Variants in RTKN2 observed in about 807,000 individuals in gnomAD.
RTKN2 encodes rhotekin-2.
Under a neutral mutation model 71.5 loss-of-function variants are expected in RTKN2, and 69 were observed. That is an observed-to-expected ratio of 0.96 (90% CI 0.79 to 1.18). RTKN2 has a LOEUF of 1.18. RTKN2 is among the 50% of genes most tolerant of loss of function. The pLI, the probability that RTKN2 is intolerant of heterozygous loss-of-function variation, is 0.00. For synonymous variants in RTKN2, 236 were observed against 236.5 expected, an observed-to-expected ratio of 1.00 and a Z score of 0.02; for missense variants, 724 against 719.7, an observed-to-expected ratio of 1.01 and a Z score of -0.07.
In RTKN2 at chr10:62,262,695, C is replaced by T. The variant is rs1842795610; in HGVS notation, c.187G>A (p.Ala63Thr). The T allele has an allele frequency of 3.7e-6, 6 of 1,613,532 alleles. No homozygotes were observed. The highest frequency in any genetic ancestry group is 5.1e-6 in the Non-Finnish European group (6 of 1,179,648). ...HAVKNLMVCNARLMAYTSELQ... is the reference protein window; with the variant it reads ...HAVKNLMVCNTRLMAYTSELQ... ...TCCGATGTATAGGCCATTAGTCGAGCATTGCACACCATGAGATTCTTAACT... is the reference window on the plus strand; with the variant it reads ...TCCGATGTATAGGCCATTAGTCGAGTATTGCACACCATGAGATTCTTAACT... The change falls in exon 2 of 12, where the codon GCT becomes ACT. Residue 63 changes from alanine (A) to threonine (T), a missense_variant. Ala to Thr is a moderately conservative substitution (Grantham distance 58). Transcript: ENST00000373789.
Position 62,262,821 on chromosome 10 carries a change from C to T in RTKN2, c.61G>A (p.Asp21Asn), listed in dbSNP as rs776212301. The T allele has an allele frequency of 6.3e-7, 1 of 1,590,300 alleles. No individual in the cohort carries two copies. Among genetic ancestry groups the T allele is most frequent in the Non-Finnish European group, 8.6e-7 (1 of 1,168,582 alleles). ...TCTATTTTTTCTTGAATGTTGCAGT[C>T]CTAAAAAAAAAATGCATCTTGAAAA... ...LRLAGLPTQQDCNIQEKIDLE... is the reference protein window; with the variant it reads ...LRLAGLPTQQNCNIQEKIDLE... The change falls in exon 2 of 12, where the codon GAC becomes AAC. Residue 21 changes from aspartate (D) to asparagine (N), a missense_variant and splice_region_variant. Transcript: ENST00000373789.
Position 62,195,593 on chromosome 10 carries a change from C to T in RTKN2, c.*2315G>A, listed in dbSNP as rs1436587947. 1 of 623,654 alleles carries T rather than the reference C, an allele frequency of 1.6e-6. No homozygotes were observed. Among genetic ancestry groups the T allele is most frequent in the East Asian group, 1.6e-4 (1 of 6,214 alleles). The allele number at this position is 623,654 out of a possible 1,614,324, so 38.6% of individuals were successfully genotyped here. ...AAGGAGGGAAGGAGGGAAGGAGAGA[C>T]GGACAGAGGGAATGAAGGAAGGAAG... is the stretch of plus-strand genomic sequence containing the variant. On this transcript the variant is annotated 3_prime_UTR_variant, in exon 12 of 12. Coordinates refer to ENST00000373789, the MANE Select transcript of RTKN2 (RefSeq NM_145307.4).
chr10:62,219,802 T>TG (rs2132902498), intron 7 of RTKN2, among the ~76,000 whole-genome samples: 1 of 152,148 alleles, frequency 6.6e-6, no homozygotes, highest in East Asian at 1.9e-4. Context: ...AAAAAAATCT[T>TG]GACATTCAAC....
chr10:62,251,430 A>C (rs1842579931), intron 2 of RTKN2, among the ~76,000 whole-genome samples: 1 of 152,192 alleles, frequency 6.6e-6, no homozygotes, highest in Non-Finnish European at 1.5e-5. Flanking sequence ...AGGAAGGATG[A>C]TGGAACATAC....
At position 62,196,694 on chromosome 10, in the gene RTKN2, TG is replaced by T. The variant is rs1841339052; in HGVS notation, c.*1213del. On this transcript the variant is annotated 3_prime_UTR_variant, in exon 12 of 12. Coordinates refer to ENST00000373789, the MANE Select transcript of RTKN2 (RefSeq NM_145307.4). ...TCTTGCAATGACATTTAGGGTTCAGTGTGATTTGAGATTTTTAGTGCTGTTG... is the reference window on the plus strand; with the variant it reads ...TCTTGCAATGACATTTAGGGTTCAGTTGATTTGAGATTTTTAGTGCTGTTG... The T allele has an allele frequency of 1.0e-6, 1 of 984,978 alleles. No individual in the cohort carries two copies. The highest frequency in any genetic ancestry group is 1.2e-6 in the Non-Finnish European group (1 of 829,650). The allele number at this position is 984,978 out of a possible 1,614,324, so 61.0% of individuals were successfully genotyped here.
chr10:62,212,104 T>TA (rs543276430), intron 9 of RTKN2, among the ~76,000 whole-genome samples: 6,495 of 37,396 alleles, frequency 0.17, 178 homozygotes, highest in African/African-American at 0.19. Context: ...CATCTCTACT[T>TA]AAAAAAAAAA....
At position 62,209,331 on chromosome 10, in the gene RTKN2, A is replaced by G. The variant is rs12259920; in HGVS notation, c.1021-4309T>C. Among the ~76,000 whole-genome samples the G allele has an allele frequency of 7.2e-3, 1,103 of 152,190 alleles. 13 individuals carry two copies. Among genetic ancestry groups the G allele is most frequent in the African/African-American group, 0.025 (1,039 of 41,530 alleles). ...GTATGCAACTAGAAAAATCCAGACTATGGAAAAACCCTGCAGGATAAAAGA... is the reference window on the plus strand; with the variant it reads ...GTATGCAACTAGAAAAATCCAGACTGTGGAAAAACCCTGCAGGATAAAAGA... On this transcript the variant is annotated intron_variant, in intron 9 of 11. Coordinates refer to ENST00000373789, the MANE Select transcript of RTKN2 (RefSeq NM_145307.4).
At chr10:62,229,449 A>T (rs1842103223) in intron 6 of RTKN2, among the ~76,000 whole-genome samples, 1 of 152,248 alleles carries the variant, frequency 6.6e-6, no homozygotes, top group African/African-American at 2.4e-5. Flanking sequence ...TATTATTCTT[A>T]ACACACGTAT....
rs969709507 is a variant in RTKN2, at chr10:62,197,799, T to G, written c.*109A>C. On this transcript the variant is annotated 3_prime_UTR_variant, in exon 12 of 12. Coordinates refer to ENST00000373789, the MANE Select transcript of RTKN2 (RefSeq NM_145307.4). ...CTATACCTAATAGCTTATTAATTAT[T>G]GGTATAAATCACTATATTTACCTAT... 2 of 1,428,184 alleles carry G rather than the reference T, an allele frequency of 1.4e-6. No individual in the cohort carries two copies. The highest frequency in any genetic ancestry group is 1.8e-6 in the Non-Finnish European group (2 of 1,087,714). 88.5% of individuals were successfully genotyped at this position (1,428,184 alleles called of 1,614,324 possible).
At chr10:62,232,248 TA>T (rs1842164081) in intron 6 of RTKN2, among the ~76,000 whole-genome samples, 1 of 151,734 alleles carries the variant, frequency 6.6e-6, no homozygotes, top group African/African-American at 2.4e-5. Context: ...TAATGCACAA[TA>T]ATTTATTCTC....
chr10:62,204,649 C>G (rs1391421698), intron 10 of RTKN2, among the ~76,000 whole-genome samples: 1 of 152,068 alleles, frequency 6.6e-6, no homozygotes, highest in Non-Finnish European at 1.5e-5. Flanking sequence ...GGTAGAGATG[C>G]TAGAATCCAA....
intron 2 of RTKN2, among the ~76,000 whole-genome samples, chr10:62,251,502 C>G (rs940710457): frequency 6.6e-6 from 1 of 152,134 alleles, no homozygotes; most frequent in African/African-American, 2.4e-5. Context: ...CTTCTAATCA[C>G]TTGGCTCAGA....
chr10:62,198,003 T>C lies in RTKN2; in HGVS notation c.1735A>G (p.Lys579Glu). The C allele has an allele frequency of 6.2e-7, 1 of 1,613,988 alleles. No individual in the cohort carries two copies. The highest frequency in any genetic ancestry group is 8.5e-7 in the Non-Finnish European group (1 of 1,179,894). ...RLSDGEHTDTKTNFEAKPVPA... is the reference protein window; with the variant it reads ...RLSDGEHTDTETNFEAKPVPA... ...ACTGGCTTGGCTTCAAAATTGGTTT[T>C]AGTGTCTGTGTGCTCACCATCACTT... is the stretch of plus-strand genomic sequence containing the variant. Residue 579 changes from lysine to glutamate, a missense_variant, in exon 12 of 12, where the codon AAA becomes GAA. Physicochemically the swap from Lys to Glu is moderately conservative, Grantham distance 56 (BLOSUM62 1). Coordinates refer to ENST00000373789, the MANE Select transcript of RTKN2 (RefSeq NM_145307.4).
chr10:62,237,177 G>A (rs1842276580), intron 5 of RTKN2, among the ~76,000 whole-genome samples: 1 of 151,858 alleles, frequency 6.6e-6, no homozygotes, highest in African/African-American at 2.4e-5. Flanking sequence ...TTTGATTATA[G>A]TAACATTTTA....
intron 6 of RTKN2, among the ~76,000 whole-genome samples, chr10:62,231,086 G>A (rs917088784): frequency 6.6e-6 from 1 of 152,088 alleles, no homozygotes; most frequent in African/African-American, 2.4e-5. Flanking sequence ...TTCTGAACAA[G>A]TGTTTGGATG....
chr10:62,257,626 T>C (rs1448688954), intron 2 of RTKN2, among the ~76,000 whole-genome samples: 1 of 152,140 alleles, frequency 6.6e-6, no homozygotes, highest in Non-Finnish European at 1.5e-5. Flanking sequence ...AATTGAAAGA[T>C]AAGAGTGCAA....
intron 9 of RTKN2, among the ~76,000 whole-genome samples, chr10:62,209,844 T>C (rs1022765515): frequency 6.6e-6 from 1 of 152,224 alleles, no homozygotes; most frequent in Non-Finnish European, 1.5e-5. Flanking sequence ...GTGTACCACA[T>C]TTTCTTGATC....
At chr10:62,229,234 G>A (rs1198368251) in intron 6 of RTKN2, among the ~76,000 whole-genome samples, 2 of 152,204 alleles carry the variant, frequency 1.3e-5, no homozygotes. Flanking sequence ...TGGAGTCAGA[G>A]TACTGAAGGG....
rs1476311918 is a variant in RTKN2 at position 62,268,495 on chromosome 10, A to C, written c.60+56T>G. On this transcript the variant is annotated intron_variant, in intron 1 of 11. Transcript: ENST00000373789. ...GACTCCTCCACAAAGCAAATGCGCGAGGAACAGAACCCCGGCTCCCTCACC... is the reference window on the plus strand; with the variant it reads ...GACTCCTCCACAAAGCAAATGCGCGCGGAACAGAACCCCGGCTCCCTCACC... The C allele has an allele frequency of 4.7e-6, 7 of 1,492,116 alleles. No individual in the cohort carries two copies. The African/African-American group carries it at 9.7e-5, about 21-fold the overall frequency. The allele number at this position is 1,492,116 out of a possible 1,614,324, so 92.4% of individuals were successfully genotyped here.
Sources: allele counts gnomAD v4.1 joint callset (sites outside exome capture counted in the v4.1 genomes callset), GRCh38; gene constraint gnomAD v4.1.1; transcripts MANE v1.5; gene names NCBI Gene and HGNC (gene_info 2026-07-23, HGNC 2026-07-21).